Variants in ANO1 observed in about 807,000 individuals in gnomAD.
ANO1 encodes the protein anoctamin-1.
In ANO1, 59 loss-of-function variants were observed where a neutral mutation model predicts 124.0. That is an observed-to-expected ratio of 0.48 (90% CI 0.39 to 0.59). The LOEUF (loss-of-function observed/expected upper bound fraction) is 0.59, where lower values mean the gene tolerates loss of function less well. Among genes scored for constraint, ANO1 ranks in the 20% least tolerant of loss-of-function variants. The pLI is 0.00. For missense variants in ANO1, 1,059 were observed against 1,328.0 expected (o/e 0.80, Z 3.15); for synonymous variants, 529 against 532.0 (o/e 0.99, Z 0.08).
At chr11:69,974,283 C>T in the ANO1 span, among the ~76,000 whole-genome samples, 1 of 152,158 alleles carries the variant, frequency 6.6e-6, no homozygotes, top group South Asian at 2.1e-4. Flanking sequence ...CAAGATCATG[C>T]CACTGCACTC....
intron 19 of ANO1, chr11:70,163,613 T>C: frequency 1.7e-6 from 1 of 601,148 alleles, no homozygotes; most frequent in Non-Finnish European, 2.9e-6. Context: ...TCTTTTTTTG[T>C]GAGACTGAAT....
At chr11:70,131,778 T>C in intron 10 of ANO1, 141 bp from the exon 11 acceptor site, 1 of 976,146 alleles carries the variant, frequency 1.0e-6, no homozygotes, top group Non-Finnish European at 1.5e-6. Context: ...ACCCGGCTTA[T>C]GTCCACTATG....
At chr11:70,147,907 G>A (rs886763783) in intron 11 of ANO1, among the ~76,000 whole-genome samples, 1 of 152,166 alleles carries the variant, frequency 6.6e-6, no homozygotes, top group Non-Finnish European at 1.5e-5. Flanking sequence ...CTTTTCCATT[G>A]CCTGTGCGAG....
intron 1 of ANO1, among the ~76,000 whole-genome samples, chr11:70,051,162 T>C (rs4980756): frequency 0.49 from 74,625 of 151,996 alleles, 19,544 homozygotes; most frequent in East Asian, 0.8. Flanking sequence ...AAGCCTCCTT[T>C]ATGATGCCCA....
rs143231325 is a variant in ANO1 at position 69,991,602 on chromosome 11, C to T, written c.58+5436C>T. Among the ~76,000 whole-genome samples, 5 of 152,352 alleles carry T rather than the reference C, an allele frequency of 3.3e-5. No individual in the cohort carries two copies. The East Asian group carries it at 9.6e-4, about 29-fold the overall frequency. On this transcript the variant is annotated intron_variant, in intron 1 of 27. Transcript: ENST00000531349. ...ATAGTTCACACAGTGAGTTTCTCTT[C>T]CATATTGTGATGTAAATAACTGAGG...
chr11:70,098,198 G>T (rs1025496343), intron 2 of ANO1, among the ~76,000 whole-genome samples: 1 of 152,196 alleles, frequency 6.6e-6, no homozygotes, highest in South Asian at 2.1e-4. Flanking sequence ...ACGGCTCCCC[G>T]CAGGGCTGGG....
chr11:70,149,787 G>A lies in ANO1; in HGVS notation c.1336G>A (p.Glu446Lys), dbSNP rs763236520. Reference sequence around the variant, plus strand: ...CTGGGACCTCACGGGCTTTGAAGAGGAAGAGGTCAGTGGGTTTGCCGCCGT... The same window carrying A: ...CTGGGACCTCACGGGCTTTGAAGAGAAAGAGGTCAGTGGGTTTGCCGCCGT... ...YRWDLTGFEE[E>K]EEAVKDHPRA... Residue 446 changes from glutamate to lysine, a missense_variant, in exon 12 of 26, where the codon GAA (glutamate) becomes AAA (lysine). Physicochemically the swap from Glu to Lys is moderately conservative, Grantham distance 56. Coordinates refer to ENST00000355303, the MANE Select transcript of ANO1 (RefSeq NM_018043.7). The A allele has an allele frequency of 5.6e-6, 9 of 1,613,498 alleles. No individual in the cohort carries two copies. Among genetic ancestry groups the A allele is most frequent in the Admixed American group, 1.7e-5 (1 of 59,954 alleles).
intron 1 of ANO1, among the ~76,000 whole-genome samples, chr11:70,060,072 C>T (rs951760917): frequency 1.3e-5 from 2 of 149,606 alleles, no homozygotes; most frequent in Admixed American, 1.4e-4. Context: ...GGCAGGAGAG[C>T]AGTCTTAAGG....
chr11:70,071,216 G>A (rs1308652073), intron 1 of ANO1, among the ~76,000 whole-genome samples: 1 of 152,188 alleles, frequency 6.6e-6, no homozygotes, highest in Admixed American at 6.5e-5. Context: ...AGGCAAAGGT[G>A]GGTTTCTCTA....
At chr11:70,094,901 A>C (rs1043928729) in intron 2 of ANO1, among the ~76,000 whole-genome samples, 2 of 152,204 alleles carry the variant, frequency 1.3e-5, no homozygotes, top group South Asian at 4.1e-4. Context: ...TCATGGAAAC[A>C]TATTTCTTTT....
At chr11:69,992,619 T>C (rs1856178832) in intron 1 of ANO1, among the ~76,000 whole-genome samples, 1 of 152,182 alleles carries the variant, frequency 6.6e-6, no homozygotes, top group Non-Finnish European at 1.5e-5. Context: ...CTCTCTCTCC[T>C]GGCTCCAACC....
chr11:70,115,529 C>T (rs935261055), intron 7 of ANO1, among the ~76,000 whole-genome samples: 2 of 152,152 alleles, frequency 1.3e-5, no homozygotes, highest in African/African-American at 4.8e-5. Flanking sequence ...AGGAGAATCA[C>T]TTGAACCTGG....
chr11:70,103,948 T>C, intron 3 of ANO1, 51 bp from the exon 4 acceptor site: 1 of 1,577,836 alleles, frequency 6.3e-7, no homozygotes, highest in Non-Finnish European at 8.6e-7. Context: ...ATTCCACGGA[T>C]CATGGTCCAG....
chr11:70,090,255 C>T (rs2044575832), intron 2 of ANO1, among the ~76,000 whole-genome samples: 1 of 152,220 alleles, frequency 6.6e-6, no homozygotes, highest in South Asian at 2.1e-4. Flanking sequence ...GGTCCGCCCG[C>T]CTTGGCCTCC....
intron 12 of ANO1, 65 bp from the exon 13 acceptor site, chr11:70,152,385 C>A: frequency 2.9e-5 from 33 of 1,123,198 alleles, no homozygotes; most frequent in Non-Finnish European, 3.8e-5. Flanking sequence ...GGTCCTATTT[C>A]TAAAATAACA....
intron 1 of ANO1, among the ~76,000 whole-genome samples, chr11:70,062,926 TTTG>T (rs1202398873): frequency 5.9e-5 from 9 of 151,878 alleles, no homozygotes; most frequent in South Asian, 2.1e-4. Flanking sequence ...GTTGTTGTTG[TTTG>T]TTGTTGTTGT....
In ANO1 at chr11:70,061,144, G is replaced by A. The variant is rs140512509; in HGVS notation, c.59-17398G>A. ...ATGTATGCTGATGGGGGATTATACC[G>A]AGATAGGTAACGCTAGGGGAAGAAA... On this transcript the variant is annotated intron_variant, in intron 1 of 27. Transcript: ENST00000531349. Among the ~76,000 whole-genome samples, 1,074 of 152,172 alleles carry A rather than the reference G, an allele frequency of 7.1e-3. 11 individuals are homozygous for A. The highest frequency in any genetic ancestry group is 0.024 in the African/African-American group (986 of 41,500).
chr11:70,150,030 T>C (rs2047540248), intron 12 of ANO1: 2 of 621,570 alleles, frequency 3.2e-6, no homozygotes, highest in African/African-American at 3.6e-5. Context: ...TTCATCCCCA[T>C]GCTCACATGG....
chr11:70,003,221 C>G (rs1856418370), intron 1 of ANO1, among the ~76,000 whole-genome samples: 1 of 152,150 alleles, frequency 6.6e-6, no homozygotes, highest in South Asian at 2.1e-4. Context: ...AACTTACCAC[C>G]AAAATGGCTA....
Sources: allele counts gnomAD v4.1 joint callset (sites outside exome capture counted in the v4.1 genomes callset), GRCh38; gene constraint gnomAD v4.1.1; transcripts MANE v1.5; gene names NCBI Gene and HGNC (gene_info 2026-07-23, HGNC 2026-07-21).